Variants in QSOX1 observed in about 807,000 individuals in gnomAD.
QSOX1 encodes the protein quiescin sulfhydryl oxidase 1.
In QSOX1, 40 loss-of-function variants were observed where a neutral mutation model predicts 76.1. That is an observed-to-expected ratio of 0.53 (90% CI 0.41 to 0.68). QSOX1 has a LOEUF of 0.68. QSOX1 is among the 30% of genes least tolerant of loss of function. The pLI, the probability that QSOX1 is intolerant of heterozygous loss-of-function variation, is 0.00. For missense variants in QSOX1, 931 were observed against 974.3 expected (o/e 0.96, Z 0.59); for synonymous variants, 392 against 413.1 (o/e 0.95, Z 0.62).
intron 4 of QSOX1, among the ~76,000 whole-genome samples, chr1:180,177,837 C>G (rs937846930): frequency 2.0e-5 from 3 of 151,684 alleles, no homozygotes; most frequent in African/African-American, 7.3e-5. Flanking sequence ...TGGCTGGGCT[C>G]CAGCATCAAT....
At chr1:180,180,094 C>CT (rs1232143357) in intron 5 of QSOX1, among the ~76,000 whole-genome samples, 1 of 152,256 alleles carries the variant, frequency 6.6e-6, no homozygotes, top group East Asian at 1.9e-4. Context: ...TGGAGCCACA[C>CT]TAAGCTGGGA....
Position 180,195,905 on chromosome 1 carries a change from C to G in QSOX1, c.1469-357C>G, listed in dbSNP as rs950906202. Among the ~76,000 whole-genome samples, 92 of 152,328 alleles carry G rather than the reference C, an allele frequency of 6.0e-4. No homozygotes were observed. In the Middle Eastern group the frequency reaches 0.01, roughly 17 times the overall value. On this transcript the variant is annotated intron_variant, in intron 11 of 11. Transcript: ENST00000367602. ...ACAGATCAAAATGAGTATTCTTGCC[C>G]TTTCCCATGTCTGGTACTGGGGTAA...
chr1:180,163,582 C>G (rs757015752), intron 1 of QSOX1, among the ~76,000 whole-genome samples: 1 of 152,130 alleles, frequency 6.6e-6, no homozygotes, highest in Admixed American at 6.5e-5. Flanking sequence ...AACAAGATGC[C>G]AAAGCATATA....
At chr1:180,164,781 G>T (rs1198782805) in intron 1 of QSOX1, among the ~76,000 whole-genome samples, 1 of 152,198 alleles carries the variant, frequency 6.6e-6, no homozygotes, top group Non-Finnish European at 1.5e-5. Flanking sequence ...ATAAAAGTAA[G>T]TACCTGAGGC....
Position 180,197,576 on chromosome 1 carries a change from A to C in QSOX1, c.*539A>C. The C allele has an allele frequency of 1.7e-6, 1 of 586,012 alleles. No individual in the cohort carries two copies. The highest frequency in any genetic ancestry group is 2.2e-5 in the South Asian group (1 of 45,744). The allele number at this position is 586,012 out of a possible 1,614,324, so 36.3% of individuals were successfully genotyped here. The stretch of plus-strand genomic sequence containing the variant: ...GCCTGGCCAGCCTCCAGCTCCTCAG[A>C]CCTCCTGGGTGGGGTTTGGCTTCAG... On this transcript the variant is annotated 3_prime_UTR_variant, in exon 12 of 12. Coordinates refer to ENST00000367602, the MANE Select transcript of QSOX1 (RefSeq NM_002826.5).
chr1:180,164,789 G>A (rs749809284), intron 1 of QSOX1, among the ~76,000 whole-genome samples: 8 of 152,202 alleles, frequency 5.3e-5, no homozygotes, highest in Non-Finnish European at 7.3e-5. Context: ...AAGTACCTGA[G>A]GCTAGGTAAT....
At position 180,196,665 on chromosome 1, in the gene QSOX1, C is replaced by T. The variant is rs184367068; in HGVS notation, c.1872C>T (p.His624=). The T allele has an allele frequency of 1.3e-5, 21 of 1,614,132 alleles. No homozygotes were observed. In the East Asian group the frequency reaches 4.7e-4, roughly 36 times the overall value. ...CACCAGGCCAGGAGCCTCCTGAGCA[C>T]ATGGCAGAGCTTCAGAGGAATGAGC... ...RAAPGQEPPE[H]MAELQRNEQE... Residue 624 remains histidine, a synonymous_variant, in exon 12 of 12, where the codon CAC becomes CAT. Transcript: ENST00000367602. This position sits in a 1 kb window ranked among gnomAD's most constrained non-coding sequence, Gnocchi z 4.1.
chr1:180,192,729 A>G (rs1218102311), intron 10 of QSOX1, among the ~76,000 whole-genome samples: 1 of 152,088 alleles, frequency 6.6e-6, no homozygotes, highest in Non-Finnish European at 1.5e-5. Context: ...TAGACCTCCC[A>G]ATGGAGGTGT....
intron 10 of QSOX1, among the ~76,000 whole-genome samples, chr1:180,190,959 G>A (rs1436398676): frequency 6.6e-6 from 1 of 152,172 alleles, no homozygotes; most frequent in Non-Finnish European, 1.5e-5. Context: ...GTATTTTACA[G>A]TTTACATAGC....
intron 11 of QSOX1, 92 bp downstream of exon 11, chr1:180,194,484 G>A (rs1007147352): frequency 2.4e-6 from 3 of 1,264,050 alleles, no homozygotes; most frequent in Non-Finnish European, 3.3e-6. Flanking sequence ...TTGGGGAAGG[G>A]ACACTCATTG....
rs1387266637 is a variant in QSOX1 at position 180,166,482 on chromosome 1, T to C, written c.266-9T>C. On this transcript the variant is annotated splice_polypyrimidine_tract_variant and intron_variant, in intron 1 of 11. Coordinates refer to ENST00000367602, the MANE Select transcript of QSOX1 (RefSeq NM_002826.5). The stretch of plus-strand genomic sequence containing the variant: ...CTCTTATTTACCCCTGGGTTTTTTG[T>C]CCTTTCAGCCTGGAGGCCGGCCCTG... 6.2e-7 allele frequency: 1 copy of C among 1,613,316 alleles called. No individual in the cohort carries two copies. The highest frequency in any genetic ancestry group is 8.5e-7 in the Non-Finnish European group (1 of 1,179,630).
In QSOX1 at chr1:180,190,542, A is replaced by G. The variant is rs1158610307; in HGVS notation, c.1250A>G (p.Gln417Arg). The change falls in exon 10 of 12, where the codon CAG becomes CGG. Residue 417 changes from glutamine to arginine, a missense_variant. Transcript: ENST00000367602. ...GTCCTCTTCCACTTCTTGACTGTGC[A>G]GGCAGCTCGGCAAAATGTAGACCAC... ...LWVLFHFLTVQAARQNVDHSQ... is the reference protein window; with the variant it reads ...LWVLFHFLTVRAARQNVDHSQ... The G allele has an allele frequency of 1.9e-6, 3 of 1,614,180 alleles. No individual in the cohort carries two copies.
rs1321951586 is a variant in QSOX1, at chr1:180,194,325, G to A, written c.1401G>A (p.Val467=). 1.2e-6 allele frequency: 2 copies of A among 1,609,546 alleles called. No individual in the cohort carries two copies. The highest frequency in any genetic ancestry group is 1.7e-6 in the Non-Finnish European group (2 of 1,177,158). Residue 467 remains valine, a synonymous_variant, in exon 11 of 12, where the codon GTG becomes GTA. Coordinates refer to ENST00000367602, the MANE Select transcript of QSOX1 (RefSeq NM_002826.5). ...EQMAAASMHR[V]GSPNAAVLWL... is the part of the protein sequence containing the mutation. ...TGGCTGCTGCCTCCATGCACCGGGT[G>A]GGGAGTCCCAACGCCGCTGTCCTCT...
At chr1:180,164,064 A>G (rs1662555698) in intron 1 of QSOX1, among the ~76,000 whole-genome samples, 1 of 152,076 alleles carries the variant, frequency 6.6e-6, no homozygotes, top group Non-Finnish European at 1.5e-5. Context: ...ACTTCAGAGG[A>G]GAGTGGACAG....
chr1:180,166,642 T>C (rs1357086956), intron 2 of QSOX1, 51 bp downstream of exon 2: 3 of 1,553,924 alleles, frequency 1.9e-6, no homozygotes, highest in Non-Finnish European at 1.8e-6. Context: ...TTGTTTCCCT[T>C]TATAAGGGAA....
intron 3 of QSOX1, among the ~76,000 whole-genome samples, chr1:180,175,585 G>A (rs545787612): frequency 3.3e-5 from 5 of 152,284 alleles, no homozygotes; most frequent in African/African-American, 1.2e-4. Context: ...ACATATCCAG[G>A]GCCCTAGGGT....
chr1:180,196,186 C>G lies in QSOX1; in HGVS notation c.1469-76C>G. On this transcript the variant is annotated intron_variant, in intron 11 of 11. Transcript: ENST00000367602. The surrounding 1 kb of genome is among the most constrained non-coding windows in gnomAD (Gnocchi z 4.1). Reference sequence around the variant, plus strand: ...TTCTGCAGACAAGGAAGCTGGCGTTCTGAGTGGAGGAGTGTGGTCTGGGTT... The same window carrying G: ...TTCTGCAGACAAGGAAGCTGGCGTTGTGAGTGGAGGAGTGTGGTCTGGGTT... 1 of 1,508,672 alleles carries G rather than the reference C, an allele frequency of 6.6e-7. No individual in the cohort carries two copies. 93.5% of individuals were successfully genotyped at this position (1,508,672 alleles called of 1,614,324 possible).
At chr1:180,186,271 C>G (rs1663169098) in intron 8 of QSOX1, 89 bp downstream of exon 8, 9 of 1,517,894 alleles carry the variant, frequency 5.9e-6, no homozygotes, top group Non-Finnish European at 7.1e-6. Context: ...GTCAGCCCCT[C>G]CCTCCAGAAG....
intron 1 of QSOX1, among the ~76,000 whole-genome samples, chr1:180,165,919 G>A (rs534800422): frequency 5.9e-5 from 9 of 152,234 alleles, no homozygotes; most frequent in African/African-American, 1.7e-4. Context: ...TTCTTTCCCC[G>A]CAGTTCCTGG....
Sources: gnomAD v4.1 joint callset for allele counts (sites outside exome capture counted in the v4.1 genomes callset) on GRCh38, gnomAD v4.1.1 for gene constraint, Gnocchi (gnomAD v3.1) non-coding constraint, MANE v1.5 for transcripts, NCBI Gene and HGNC (gene_info 2026-07-23, HGNC 2026-07-21) for gene names.